Variants in PPP6R2 observed in about 807,000 individuals in gnomAD.
PPP6R2 encodes serine/threonine-protein phosphatase 6 regulatory subunit 2.
A neutral mutation model predicts 100.2 loss-of-function variants in PPP6R2; 62 were observed. The observed-to-expected ratio is 0.62, with a 90% CI of 0.50 to 0.76. PPP6R2 has a LOEUF of 0.76. PPP6R2 is among the 30% of genes least tolerant of loss of function. PPP6R2 has a pLI of 0.00. For missense variants in PPP6R2, 1,142 were observed against 1,276.3 expected (o/e 0.89, Z 1.60); for synonymous variants, 525 against 514.7 (o/e 1.02, Z -0.27).
intron 3 of PPP6R2, among the ~76,000 whole-genome samples, chr22:50,398,482 A>G (rs1375252807): frequency 3.1e-5 from 3 of 96,090 alleles, no homozygotes; most frequent in African/African-American, 8.0e-5. Flanking sequence ...CCCCATCTCT[A>G]TTTCTTTATT....
intron 1 of PPP6R2, among the ~76,000 whole-genome samples, chr22:50,371,514 AAG>A (rs1023316296): frequency 1.3e-5 from 2 of 152,024 alleles, no homozygotes; most frequent in Non-Finnish European, 2.9e-5. Flanking sequence ...AGAAAAAAAA[AAG>A]AAAACTATCT....
chr22:50,382,196 T>G (rs1569347145), intron 2 of PPP6R2, among the ~76,000 whole-genome samples: 1 of 152,192 alleles, frequency 6.6e-6, no homozygotes, highest in Non-Finnish European at 1.5e-5. Context: ...TATTATTCGT[T>G]GGTGATACTA....
rs181258810 is a variant in PPP6R2, at chr22:50,396,323, C to T, written c.227+2188C>T. 3.4e-3 allele frequency among the ~76,000 whole-genome samples: 519 copies of T among 151,918 alleles called. 3 individuals carry two copies. Among genetic ancestry groups the T allele is most frequent in the African/African-American group, 0.011 (450 of 41,448 alleles). ...CAGCCTGACCAACATGGTGAAACCC[C>T]GTCTCTACTAAAAATACAAAAATTT... On this transcript the variant is annotated intron_variant, in intron 3 of 23. Transcript: ENST00000612753.
intron 2 of PPP6R2, among the ~76,000 whole-genome samples, chr22:50,384,550 G>A (rs929379366): frequency 6.6e-6 from 1 of 152,082 alleles, no homozygotes; most frequent in African/African-American, 2.4e-5. Context: ...GCGAGACTCC[G>A]TCTCAAAAAA....
At chr22:50,354,627 A>G (rs2046050820) in intron 1 of PPP6R2, among the ~76,000 whole-genome samples, 1 of 151,834 alleles carries the variant, frequency 6.6e-6, no homozygotes, top group Non-Finnish European at 1.5e-5. Context: ...GGAGTTTGAG[A>G]CCAGGCTGGC....
At chr22:50,339,888 TG>T (rs2042352120), upstream of PPP6R2, among the ~76,000 whole-genome samples, 1 of 118,004 alleles carries the variant, frequency 8.5e-6, no homozygotes, top group Non-Finnish European at 1.8e-5. Flanking sequence ...GGTGTGTGTG[TG>T]GGGTGTGTGG....
At chr22:50,406,017 G>A (rs530611333) in intron 3 of PPP6R2, among the ~76,000 whole-genome samples, 4 of 141,638 alleles carry the variant, frequency 2.8e-5, no homozygotes, top group African/African-American at 1.1e-4. Context: ...TGAGAGGCCT[G>A]GAGAGAGGTG....
chr22:50,429,326 TGGCC>T (rs1395473105), intron 10 of PPP6R2, among the ~76,000 whole-genome samples: 1 of 152,232 alleles, frequency 6.6e-6, no homozygotes, highest in African/African-American at 2.4e-5. Context: ...CCACCGCACC[TGGCC>T]GTATGTGGAA....
the PPP6R2 span, among the ~76,000 whole-genome samples, chr22:50,332,733 C>G: frequency 1.3e-5 from 2 of 151,310 alleles, no homozygotes; most frequent in Non-Finnish European, 2.9e-5. Flanking sequence ...AAGCGATTCT[C>G]CTGCCTTAGC....
In PPP6R2 at chr22:50,436,419, G is replaced by T; in HGVS notation, c.1569G>T (p.Leu523=). ...GRWESFVEET[L]TETNRRNTVD... ...GGGAGAGCTTCGTGGAGGAGACGCT[G>T]ACGGAGACGAACCGCAGGAACACTG... Residue 523 remains leucine (L), a synonymous_variant, in exon 14 of 24, where the codon CTG becomes CTT. Transcript: ENST00000612753. The T allele has an allele frequency of 6.3e-7, 1 of 1,593,062 alleles. No individual in the cohort carries two copies. The highest frequency in any genetic ancestry group is 1.8e-5 in the Admixed American group (1 of 56,002).
At chr22:50,339,402 G>A (rs1447555141), upstream of PPP6R2, among the ~76,000 whole-genome samples, 1 of 146,582 alleles carries the variant, frequency 6.8e-6, no homozygotes, top group African/African-American at 2.6e-5. Context: ...TGTGTGGTAT[G>A]TGGTGTGTGT....
rs1012482384 is a variant in PPP6R2, at chr22:50,393,612, G to C, written c.-16-281G>C. The C allele has an allele frequency of 5.2e-6, 5 of 957,272 alleles. No homozygotes were observed. The Admixed American group carries it at 3.1e-4, about 59-fold the overall frequency. 59.3% of individuals were successfully genotyped at this position (957,272 alleles called of 1,614,324 possible). A position where few individuals can be genotyped will look rare whatever the true frequency, so the allele number is the denominator to read the frequency against. ...GGGGAGGCAGGTCCTGGAGCTGGGGGTGCAGCCTCAGAGCTGTTGAGCAGC... is the reference window on the plus strand; with the variant it reads ...GGGGAGGCAGGTCCTGGAGCTGGGGCTGCAGCCTCAGAGCTGTTGAGCAGC... On this transcript the variant is annotated intron_variant, in intron 2 of 23. Coordinates refer to ENST00000612753, the MANE Select transcript of PPP6R2 (RefSeq NM_001242898.2).
At chr22:50,367,201 C>T (rs1210235533) in intron 1 of PPP6R2, among the ~76,000 whole-genome samples, 2 of 151,812 alleles carry the variant, frequency 1.3e-5, no homozygotes, top group South Asian at 2.1e-4. Flanking sequence ...GACAGGGGAG[C>T]GGGGGACGCC....
intron 2 of PPP6R2, among the ~76,000 whole-genome samples, chr22:50,381,874 C>T (rs956459305): frequency 1.3e-5 from 2 of 150,442 alleles, no homozygotes; most frequent in Admixed American, 1.3e-4. Flanking sequence ...CACCACTGCA[C>T]TCCAGCCCGG....
chr22:50,334,889 C>T, the PPP6R2 span, among the ~76,000 whole-genome samples: 4 of 151,810 alleles, frequency 2.6e-5, no homozygotes, highest in South Asian at 8.4e-4. Context: ...ATCGCTTGAA[C>T]CCAGGAGGCA....
In PPP6R2 at chr22:50,438,775, G is replaced by T. The variant is rs781267668; in HGVS notation, c.2128+13G>T. On this transcript the variant is annotated intron_variant, in intron 19 of 23. Coordinates refer to ENST00000612753, the MANE Select transcript of PPP6R2 (RefSeq NM_001242898.2). ...GGTGACTCAGAAGGTGGTGCTGGGC[G>T]CCAGGGGCTGGGAGTGTGGGTATCG... 2 of 1,580,252 alleles carry T rather than the reference G, an allele frequency of 1.3e-6. No individual in the cohort carries two copies. Among genetic ancestry groups the T allele is most frequent in the African/African-American group, 2.7e-5 (2 of 74,292 alleles).
At chr22:50,440,124 G>C (rs1410665734) in intron 21 of PPP6R2, 75 bp downstream of exon 21, 4 of 1,386,106 alleles carry the variant, frequency 2.9e-6, no homozygotes, top group Admixed American at 2.0e-5. Context: ...CCCCTCCTTG[G>C]GGGCAGTGGG....
In PPP6R2 at chr22:50,397,710, CTTGT is replaced by C. The variant is rs1169788190; in HGVS notation, c.227+3576_227+3579del. ...GGCAGGGGGGCCTGTCCTCACCAGCCTTGTCATCTCTGAGCTTTTCTCTGAGGAG... is the reference window on the plus strand; with the variant it reads ...GGCAGGGGGGCCTGTCCTCACCAGCCCATCTCTGAGCTTTTCTCTGAGGAG... On this transcript the variant is annotated intron_variant, in intron 3 of 23. Coordinates refer to ENST00000612753, the MANE Select transcript of PPP6R2 (RefSeq NM_001242898.2). 2.7e-4 allele frequency among the ~76,000 whole-genome samples: 7 copies of C among 25,910 alleles called. 1 individual carries two copies. Among genetic ancestry groups the C allele is most frequent in the African/African-American group, 3.8e-4 (2 of 5,282 alleles). 17.0% of individuals were successfully genotyped at this position (25,910 alleles called of 152,430 possible). A position where few individuals can be genotyped will look rare whatever the true frequency, so the allele number is the denominator to read the frequency against.
rs2066571462 is a variant in PPP6R2 at position 50,444,289 on chromosome 22, C to T, written c.*42C>T. 6.3e-7 allele frequency: 1 copy of T among 1,595,894 alleles called. No homozygotes were observed. The highest frequency in any genetic ancestry group is 8.5e-7 in the Non-Finnish European group (1 of 1,172,876). Reference sequence around the variant, plus strand: ...CCACGGCCCACCCTGGTCAGGCTGCCTCCTTAATCGAGAAAACTACCTGGT... The same window carrying T: ...CCACGGCCCACCCTGGTCAGGCTGCTTCCTTAATCGAGAAAACTACCTGGT... On this transcript the variant is annotated 3_prime_UTR_variant, in exon 24 of 24. Transcript: ENST00000612753.
Sources: allele counts gnomAD v4.1 joint callset (sites outside exome capture counted in the v4.1 genomes callset), GRCh38; gene constraint gnomAD v4.1.1; transcripts MANE v1.5; gene names NCBI Gene and HGNC (gene_info 2026-07-23, HGNC 2026-07-21).